MED12L: variants seen among roughly 807,000 people sequenced by gnomAD.
MED12L encodes mediator complex subunit 12L.
MED12L carries 60 observed loss-of-function variants against 281.3 expected under a neutral mutation model. The observed-to-expected ratio is 0.21, with a 90% CI of 0.17 to 0.26. The LOEUF is 0.26. Ranked by LOEUF, MED12L falls within the 10% of genes least tolerant of loss-of-function variation. The probability of loss-of-function intolerance (pLI) is 1.00; values close to 1 mark genes in which losing one functional copy is unlikely to be tolerated. For synonymous variants in MED12L, 974 were observed against 987.2 expected (o/e 0.99, Z 0.25); for missense variants, 2,146 against 2,680.9 (o/e 0.80, Z 4.41).
intron 16 of MED12L, among the ~76,000 whole-genome samples, chr3:151,215,512 A>C (rs989175248): frequency 1.3e-5 from 2 of 152,084 alleles, no homozygotes; most frequent in Admixed American, 6.6e-5. Context: ...TTTAAATTAC[A>C]TATGTGTTTC....
chr3:151,365,815 AAGGTTACTTTCTG>A, intron 22 of MED12L, 22 bp from the exon 23 acceptor site: 1 of 1,559,824 alleles, frequency 6.4e-7, no homozygotes, highest in Non-Finnish European at 8.7e-7. Flanking sequence ...TCTTTTGTAC[AAGGTTACTTTCTG>A]TGTCTTCTTT....
chr3:151,161,039 G>A (rs1719915757), intron 8 of MED12L, among the ~76,000 whole-genome samples: 1 of 152,232 alleles, frequency 6.6e-6, no homozygotes. Flanking sequence ...TTGGGGGTCA[G>A]GGCATAGAAG....
intron 2 of MED12L, among the ~76,000 whole-genome samples, chr3:151,098,498 C>T (rs73012988): frequency 0.04 from 6,161 of 152,272 alleles, 416 homozygotes; most frequent in African/African-American, 0.14. Flanking sequence ...TTCCTTGCCT[C>T]CTTCAGCCTG....
intron 18 of MED12L, 116 bp from the exon 19 acceptor site, chr3:151,355,780 T>C (rs1753842762): frequency 7.3e-6 from 6 of 816,506 alleles, no homozygotes; most frequent in African/African-American, 1.8e-5. Context: ...GTTTTGACTT[T>C]CGTCAAAGTA....
At chr3:151,257,079 T>C (rs1352200432) in intron 16 of MED12L, among the ~76,000 whole-genome samples, 1 of 152,108 alleles carries the variant, frequency 6.6e-6, no homozygotes, top group Non-Finnish European at 1.5e-5. Flanking sequence ...CAAGAAATGG[T>C]GTAGTTTTAA....
intron 5 of MED12L, among the ~76,000 whole-genome samples, chr3:151,155,766 G>A (rs1440681095): frequency 6.6e-6 from 1 of 152,180 alleles, no homozygotes; most frequent in Non-Finnish European, 1.5e-5. Flanking sequence ...GAGATTCCTT[G>A]AGATCTCCCC....
intron 3 of MED12L, among the ~76,000 whole-genome samples, chr3:151,117,761 A>T (rs1576762336): frequency 1.3e-5 from 2 of 151,680 alleles, no homozygotes; most frequent in East Asian, 1.9e-4. Flanking sequence ...AAATTTTTTT[A>T]AAATTAAATG....
At chr3:151,266,696 G>A (rs574413192) in intron 16 of MED12L, among the ~76,000 whole-genome samples, 112 of 152,284 alleles carry the variant, frequency 7.4e-4, no homozygotes, top group Non-Finnish European at 1.3e-3. Context: ...CTCCAGCCAT[G>A]GGAGGAAAGC....
intron 16 of MED12L, chr3:151,269,595 G>T: frequency 3.0e-6 from 1 of 333,206 alleles, no homozygotes; most frequent in South Asian, 2.9e-5. Context: ...ATCCACAAGT[G>T]TCTACATTAC....
intron 27 of MED12L, among the ~76,000 whole-genome samples, chr3:151,374,150 A>T (rs150923971): frequency 6.6e-6 from 1 of 152,190 alleles, no homozygotes; most frequent in African/African-American, 2.4e-5. Flanking sequence ...GTTTAATTCT[A>T]TGATACATCT....
At chr3:151,426,163 T>C (rs1047282055) in intron 43 of MED12L, among the ~76,000 whole-genome samples, 2 of 152,238 alleles carry the variant, frequency 1.3e-5, no homozygotes, top group African/African-American at 4.8e-5. Flanking sequence ...TTCCAAAATC[T>C]CACCAGGCAC....
intron 16 of MED12L, among the ~76,000 whole-genome samples, chr3:151,286,326 G>T (rs2149645546): frequency 6.6e-6 from 1 of 152,284 alleles, no homozygotes; most frequent in Admixed American, 6.5e-5. Flanking sequence ...AAAGATTTGT[G>T]ATAGTTTTGC....
chr3:151,428,565 A>G (rs1479270007), intron 43 of MED12L, among the ~76,000 whole-genome samples: 1 of 152,164 alleles, frequency 6.6e-6, no homozygotes, highest in Non-Finnish European at 1.5e-5. Context: ...GCCTGGCAGT[A>G]CCGGATATTA....
chr3:151,090,488 T>C (rs1719885237), intron 2 of MED12L, among the ~76,000 whole-genome samples: 1 of 152,146 alleles, frequency 6.6e-6, no homozygotes, highest in African/African-American at 2.4e-5. Flanking sequence ...GAGGTCTGTT[T>C]TGGTATGGCA....
intron 12 of MED12L, among the ~76,000 whole-genome samples, chr3:151,187,311 G>A (rs1214902773): frequency 1.3e-5 from 2 of 152,022 alleles, no homozygotes; most frequent in African/African-American, 4.8e-5. Flanking sequence ...TTTTTACACT[G>A]CTTTTCTCCT....
chr3:151,086,736 C>T (rs898139720), intron 1 of MED12L, 62 bp from the exon 2 acceptor site: 1 of 520,232 alleles, frequency 1.9e-6, no homozygotes, highest in African/African-American at 2.0e-5. Context: ...CTGTCCCCAT[C>T]AGTGCGTGTC....
intron 2 of MED12L, among the ~76,000 whole-genome samples, chr3:151,090,621 G>T (rs1469373158): frequency 6.6e-6 from 1 of 152,174 alleles, no homozygotes; most frequent in Non-Finnish European, 1.5e-5. Flanking sequence ...GGGCTGTTGG[G>T]GAAAGTCAAG....
chr3:151,338,001 C>T (rs760509900), intron 16 of MED12L: 3 of 1,614,128 alleles, frequency 1.9e-6, no homozygotes, highest in African/African-American at 1.3e-5. Flanking sequence ...CCACAGAGTG[C>T]TCTCTTTCAC....
chr3:151,227,980 A>T (rs1044440235), intron 16 of MED12L, among the ~76,000 whole-genome samples: 7 of 152,210 alleles, frequency 4.6e-5, no homozygotes, highest in Non-Finnish European at 1.5e-5. Context: ...CTTGAGAACC[A>T]CTGGAATGAC....
Sources: allele counts gnomAD v4.1 joint callset (sites outside exome capture counted in the v4.1 genomes callset), GRCh38; gene constraint gnomAD v4.1.1; transcripts MANE v1.5; gene names NCBI Gene and HGNC (gene_info 2026-07-23, HGNC 2026-07-21).